SLC9C1: variants seen among roughly 807,000 people sequenced by gnomAD.
The protein encoded by SLC9C1 is sodium/hydrogen exchanger 10.
Under a neutral mutation model 140.9 loss-of-function variants are expected in SLC9C1, and 97 were observed. The observed-to-expected ratio is 0.69, with a 90% CI of 0.58 to 0.82. SLC9C1 has a LOEUF of 0.82. Among genes scored for constraint, SLC9C1 ranks in the 40% least tolerant of loss-of-function variants. The pLI is 0.00. For synonymous variants in SLC9C1, 440 were observed against 442.6 expected (o/e 0.99, Z 0.07); for missense variants, 1,340 against 1,389.3 (o/e 0.96, Z 0.56).
intron 19 of SLC9C1, 42 bp downstream of exon 19, chr3:112,200,669 T>A (rs1205738462): frequency 6.4e-7 from 1 of 1,568,266 alleles, no homozygotes; most frequent in East Asian, 2.3e-5. Context: ...GAAGTGGTGA[T>A]GATAAGAGAT....
intron 19 of SLC9C1, 41 bp from the exon 20 acceptor site, chr3:112,199,510 T>C: frequency 2.1e-6 from 3 of 1,441,602 alleles, no homozygotes; most frequent in Non-Finnish European, 2.8e-6. Flanking sequence ...ATAAGAACAT[T>C]GTTTTAAATG....
At position 112,173,324 on chromosome 3, in the gene SLC9C1, A is replaced by G. The variant is rs1193641457; in HGVS notation, c.2920-3996T>C. On this transcript the variant is annotated intron_variant, in intron 23 of 28. Coordinates refer to ENST00000305815, the MANE Select transcript of SLC9C1 (RefSeq NM_183061.3). The stretch of plus-strand genomic sequence containing the variant: ...AAGGATAGAAGTGCAGGTTTGTTAT[A>G]TAGGTAAATTACATTTCGCAGGGAT... 2.0e-5 allele frequency among the ~76,000 whole-genome samples: 3 copies of G among 152,210 alleles called. 1 individual carries two copies. In the South Asian group the frequency reaches 6.2e-4, roughly 32 times the overall value.
chr3:112,265,972 A>T (rs941377084), intron 8 of SLC9C1, among the ~76,000 whole-genome samples: 9 of 152,100 alleles, frequency 5.9e-5, no homozygotes, highest in African/African-American at 2.2e-4. Context: ...TTTATATGGG[A>T]AATTATTGAG....
intron 28 of SLC9C1, among the ~76,000 whole-genome samples, chr3:112,145,163 T>C (rs1341955817): frequency 6.6e-6 from 1 of 151,200 alleles, no homozygotes; most frequent in Non-Finnish European, 1.5e-5. Flanking sequence ...CTTTTTATCA[T>C]GAAGGGATGT....
At chr3:112,262,095 GATGTCCACGCAGCAAATAGCATCTAAGCT>G (rs1244554865) in intron 10 of SLC9C1, among the ~76,000 whole-genome samples, 13 of 151,972 alleles carry the variant, frequency 8.6e-5, no homozygotes, top group African/African-American at 3.1e-4. Flanking sequence ...AAAACTTGCT[GATGTCCACGCAGCAAATAGCATCTAAGCT>G]GAAAATTTCA....
At chr3:112,247,872 AGTGTGTGTGT>A (rs56782439) in intron 10 of SLC9C1, among the ~76,000 whole-genome samples, 2 of 149,830 alleles carry the variant, frequency 1.3e-5, no homozygotes, top group Non-Finnish European at 3.0e-5. Context: ...TTTACTCTTG[AGTGTGTGTGT>A]GTGTGTGTGT....
At chr3:112,211,493 G>A (rs905329872) in intron 15 of SLC9C1, among the ~76,000 whole-genome samples, 2 of 152,148 alleles carry the variant, frequency 1.3e-5, no homozygotes, top group Non-Finnish European at 2.9e-5. Context: ...CTGGAAAATC[G>A]GGTCACTCCC....
At chr3:112,154,970 C>T in intron 27 of SLC9C1, 27 bp downstream of exon 27, 1 of 1,601,658 alleles carries the variant, frequency 6.2e-7, no homozygotes, top group African/African-American at 1.3e-5. Flanking sequence ...CAAAATACAA[C>T]TTTTAGAAAG....
chr3:112,176,280 G>C (rs888823116), intron 23 of SLC9C1, among the ~76,000 whole-genome samples: 1 of 152,228 alleles, frequency 6.6e-6, no homozygotes, highest in South Asian at 2.1e-4. Flanking sequence ...CAGGTGGGTG[G>C]TCATCCTGCC....
chr3:112,200,915 G>A (rs2077890669), intron 18 of SLC9C1, among the ~76,000 whole-genome samples, 153 bp from the exon 19 acceptor site: 2 of 151,978 alleles, frequency 1.3e-5, no homozygotes, highest in African/African-American at 2.4e-5. Context: ...ATTTTGTGCC[G>A]CAGCACTTTT....
chr3:112,144,696 G>A (rs941602014), intron 28 of SLC9C1, among the ~76,000 whole-genome samples: 1 of 152,042 alleles, frequency 6.6e-6, no homozygotes, highest in Non-Finnish European at 1.5e-5. Context: ...AGGTTTGTGT[G>A]TGTGTGTATA....
Position 112,141,125 on chromosome 3 carries a change from C to T in SLC9C1, c.*147G>A. The stretch of plus-strand genomic sequence containing the variant: ...TATGTTGAACTGCTGGTTTCAAGGT[C>T]CAAATTTCTTTTCTGCTTAGCACCA... On this transcript the variant is annotated 3_prime_UTR_variant, in exon 29 of 29. Transcript: ENST00000305815. 2 of 766,344 alleles carry T rather than the reference C, an allele frequency of 2.6e-6. No homozygotes were observed. The highest frequency in any genetic ancestry group is 3.8e-6 in the Non-Finnish European group (2 of 531,844). The allele number at this position is 766,344 out of a possible 1,614,324, so 47.5% of individuals were successfully genotyped here.
At chr3:112,271,297 C>CAAAATAACT (rs1471682538) in intron 6 of SLC9C1, among the ~76,000 whole-genome samples, 1 of 150,692 alleles carries the variant, frequency 6.6e-6, no homozygotes, top group Non-Finnish European at 1.5e-5. Flanking sequence ...ATTGGTATTT[C>CAAAATAACT]AAAATAACTA....
rs9818745 is a variant in SLC9C1 at position 112,279,479 on chromosome 3, C to T, written c.190-622G>A. ...ATTGACATGGGTACTAAAGAATATGCAGCAGATTTTCAGGCAATCAAGACG... is the reference window on the plus strand; with the variant it reads ...ATTGACATGGGTACTAAAGAATATGTAGCAGATTTTCAGGCAATCAAGACG... On this transcript the variant is annotated intron_variant, in intron 3 of 28. Transcript: ENST00000305815. Among the ~76,000 whole-genome samples, 1,519 of 152,238 alleles carry T rather than the reference C, an allele frequency of 1.0e-2. 25 individuals are homozygous for T. Among genetic ancestry groups the T allele is most frequent in the African/African-American group, 0.034 (1,417 of 41,528 alleles).
intron 1 of SLC9C1, among the ~76,000 whole-genome samples, chr3:112,289,944 G>A (rs2080629174): frequency 6.6e-6 from 1 of 152,092 alleles, no homozygotes; most frequent in South Asian, 2.1e-4. Context: ...CACCCTCCAA[G>A]GTTAATTTAA....
chr3:112,171,285 G>T (rs1576264787), intron 23 of SLC9C1, among the ~76,000 whole-genome samples: 1 of 152,102 alleles, frequency 6.6e-6, no homozygotes, highest in South Asian at 2.1e-4. Flanking sequence ...CTGTTATTCA[G>T]TGTTTTTATT....
chr3:112,177,886 T>C, intron 23 of SLC9C1, among the ~76,000 whole-genome samples: 1 of 150,898 alleles, frequency 6.6e-6, no homozygotes, highest in Admixed American at 6.6e-5. Context: ...CCAGGTATCA[T>C]AAATATATAA....
chr3:112,208,282 A>T lies in SLC9C1; in HGVS notation c.1882T>A (p.Phe628Ile), dbSNP rs957220125. 1.2e-6 allele frequency: 2 copies of T among 1,610,892 alleles called. No homozygotes were observed. The highest frequency in any genetic ancestry group is 1.7e-6 in the Non-Finnish European group (2 of 1,177,640). ...AACTGGGATATCCAAGAGATTATAA[A>T]GGGAAATATATTCATTAATATCACA... ...YLVILMNIFPFIISWISQLNV... is the reference protein window; with the variant it reads ...YLVILMNIFPIIISWISQLNV... Residue 628 changes from phenylalanine to isoleucine, a missense_variant, in exon 16 of 29, where the codon TTT (phenylalanine) becomes ATT (isoleucine). Phe to Ile is a conservative substitution (Grantham distance 21, BLOSUM62 0). Transcript: ENST00000305815.
At chr3:112,220,436 G>A (rs2078508486) in intron 14 of SLC9C1, among the ~76,000 whole-genome samples, 1 of 152,174 alleles carries the variant, frequency 6.6e-6, no homozygotes, top group Non-Finnish European at 1.5e-5. Context: ...CAGGACTAGA[G>A]GCCCAAATAG....
Sources: allele counts gnomAD v4.1 joint callset (sites outside exome capture counted in the v4.1 genomes callset), GRCh38; gene constraint gnomAD v4.1.1; transcripts MANE v1.5; gene names NCBI Gene and HGNC (gene_info 2026-07-23, HGNC 2026-07-21).